Variants in FOXP2 observed in about 807,000 individuals in gnomAD.
FOXP2 encodes forkhead box protein P2.
In FOXP2, 12 loss-of-function variants were observed where a neutral mutation model predicts 115.8. The observed-to-expected ratio is 0.10, with a 90% CI of 0.07 to 0.17. The LOEUF (loss-of-function observed/expected upper bound fraction) is 0.17. Ranked by LOEUF, FOXP2 falls within the 10% of genes least tolerant of loss-of-function variation. FOXP2 has a pLI of 1.00. For missense variants in FOXP2, 629 were observed against 843.5 expected (o/e 0.75, Z 3.15); for synonymous variants, 328 against 297.7 (o/e 1.10, Z -1.05).
At chr7:114,557,559 T>C (rs2129289629) in intron 3 of FOXP2, among the ~76,000 whole-genome samples, 1 of 147,962 alleles carries the variant, frequency 6.8e-6, no homozygotes, top group African/African-American at 2.6e-5. Context: ...TGCTGCATTA[T>C]AAAATTGAGT....
chr7:114,371,543 T>C (rs1792008404), intron 2 of FOXP2, among the ~76,000 whole-genome samples: 1 of 152,158 alleles, frequency 6.6e-6, no homozygotes, highest in Non-Finnish European at 1.5e-5. Flanking sequence ...TATATGCTTT[T>C]CAGAGTGGAA....
At chr7:114,148,305 G>T (rs1188264471) in intron 1 of FOXP2, among the ~76,000 whole-genome samples, 1 of 152,030 alleles carries the variant, frequency 6.6e-6, no homozygotes, top group Non-Finnish European at 1.5e-5. Context: ...TGGTAAATTT[G>T]CTTTACTCTG....
chr7:114,502,396 G>A (rs1797604534), intron 2 of FOXP2, among the ~76,000 whole-genome samples: 1 of 152,008 alleles, frequency 6.6e-6, no homozygotes, highest in African/African-American at 2.4e-5. Context: ...AAATTACTTT[G>A]TTCTCCAACA....
intron 3 of FOXP2, among the ~76,000 whole-genome samples, chr7:114,581,302 G>T (rs1321047738): frequency 6.6e-6 from 1 of 151,660 alleles, no homozygotes; most frequent in African/African-American, 2.4e-5. Flanking sequence ...TCCCTCCTCA[G>T]CCTCCCCAGT....
intron 1 of FOXP2, among the ~76,000 whole-genome samples, chr7:114,263,507 T>G (rs1358103814): frequency 2.0e-5 from 3 of 151,394 alleles, no homozygotes; most frequent in Non-Finnish European, 4.4e-5. Flanking sequence ...AGACTGGTGT[T>G]TAGTGCTGTG....
chr7:114,334,190 T>C (rs1797783337), intron 2 of FOXP2, among the ~76,000 whole-genome samples: 1 of 152,180 alleles, frequency 6.6e-6, no homozygotes, highest in Admixed American at 6.5e-5. Flanking sequence ...AAATGTGCGG[T>C]AGATCAACTG....
At chr7:114,219,981 C>T (rs1794582282) in intron 1 of FOXP2, among the ~76,000 whole-genome samples, 1 of 152,028 alleles carries the variant, frequency 6.6e-6, no homozygotes, top group East Asian at 1.9e-4. Flanking sequence ...ATTCTCCTGC[C>T]TCAGCCTCCT....
intron 3 of FOXP2, among the ~76,000 whole-genome samples, chr7:114,573,450 T>G (rs1306847865): frequency 6.6e-6 from 1 of 151,748 alleles, no homozygotes; most frequent in African/African-American, 2.4e-5. Flanking sequence ...AGAGTACTGG[T>G]GGGCTAAAAG....
chr7:114,519,760 G>A (rs769858673), intron 2 of FOXP2, among the ~76,000 whole-genome samples: 13 of 152,068 alleles, frequency 8.5e-5, no homozygotes, highest in Admixed American at 2.0e-4. Flanking sequence ...AATGTCTTCC[G>A]AGACAATGGG....
chr7:114,617,612 G>A (rs893331544), intron 3 of FOXP2, among the ~76,000 whole-genome samples: 1 of 152,098 alleles, frequency 6.6e-6, no homozygotes, highest in Non-Finnish European at 1.5e-5. Flanking sequence ...TGGCCAATGT[G>A]GTGAAACCCC....
chr7:114,361,251 C>T (rs1364210794), intron 2 of FOXP2, among the ~76,000 whole-genome samples: 1 of 151,862 alleles, frequency 6.6e-6, no homozygotes, highest in Non-Finnish European at 1.5e-5. Flanking sequence ...GCACAATTTG[C>T]CTAGGATAAT....
chr7:114,436,162 A>G (rs1336750102), intron 2 of FOXP2, among the ~76,000 whole-genome samples: 2 of 151,982 alleles, frequency 1.3e-5, no homozygotes, highest in Non-Finnish European at 2.9e-5. Context: ...CCCAGGATTC[A>G]TTTTCTTTAT....
chr7:114,236,255 T>C (rs1795005225), intron 1 of FOXP2, among the ~76,000 whole-genome samples: 1 of 152,236 alleles, frequency 6.6e-6, no homozygotes, highest in South Asian at 2.1e-4. Context: ...TGTTTGTCAA[T>C]TTAAGAATAT....
intron 2 of FOXP2, among the ~76,000 whole-genome samples, chr7:114,441,190 G>A (rs1298687697): frequency 6.6e-6 from 1 of 152,130 alleles, no homozygotes; most frequent in Non-Finnish European, 1.5e-5. Flanking sequence ...GCTCACAGCT[G>A]TAATCCCAGC....
intron 2 of FOXP2, among the ~76,000 whole-genome samples, chr7:114,495,749 T>C (rs1584808170): frequency 6.6e-6 from 1 of 151,958 alleles, no homozygotes; most frequent in South Asian, 2.1e-4. Flanking sequence ...TCAGATGATC[T>C]GCCCGCCTCA....
At chr7:114,304,593 C>T (rs112419315) in intron 2 of FOXP2, among the ~76,000 whole-genome samples, 3,399 of 143,930 alleles carry the variant, frequency 0.024, 82 homozygotes, top group African/African-American at 0.057. Flanking sequence ...TTGCTTGAAC[C>T]TAGGATATGG....
chr7:114,647,113 T>C (rs1454213722), intron 8 of FOXP2, among the ~76,000 whole-genome samples: 4 of 151,986 alleles, frequency 2.6e-5, no homozygotes, highest in African/African-American at 9.7e-5. Flanking sequence ...GAAATAAATT[T>C]TACAGCTTCG....
Position 114,222,500 on chromosome 7 carries a change from T to C in FOXP2, c.-102+59412T>C, listed in dbSNP as rs74689395. On this transcript the variant is annotated intron_variant, in intron 1 of 17. Coordinates refer to the FOXP2 transcript ENST00000634411. ...TCTTTCACTAGTTTATTAACATGTA[T>C]TTGTATATGTATTTATTGGGCATTT... is the stretch of plus-strand genomic sequence containing the variant. Among the ~76,000 whole-genome samples the C allele has an allele frequency of 2.7e-3, 409 of 152,290 alleles. 2 individuals are homozygous for C. The highest frequency in any genetic ancestry group is 9.5e-3 in the African/African-American group (393 of 41,562).
chr7:114,307,308 C>T (rs191726496), intron 2 of FOXP2, among the ~76,000 whole-genome samples: 88 of 152,152 alleles, frequency 5.8e-4, no homozygotes, highest in African/African-American at 2.0e-3. Flanking sequence ...ATTTATGCCC[C>T]CCGAGTCCTG....
Sources: gnomAD v4.1 joint callset for allele counts (sites outside exome capture counted in the v4.1 genomes callset) on GRCh38, gnomAD v4.1.1 for gene constraint, MANE v1.5 for transcripts, NCBI Gene and HGNC (gene_info 2026-07-23, HGNC 2026-07-21) for gene names.